Variants in EIF2S1 observed in about 807,000 individuals in gnomAD.
EIF2S1 encodes eukaryotic translation initiation factor 2 subunit 1.
EIF2S1 carries 5 observed loss-of-function variants against 33.5 expected under a neutral mutation model. The observed-to-expected ratio is 0.15, with a 90% CI of 0.08 to 0.31. The LOEUF (loss-of-function observed/expected upper bound fraction) is 0.31. EIF2S1 is among the 10% of genes least tolerant of loss of function. The probability of loss-of-function intolerance (pLI) is 1.00; values close to 1 mark genes in which losing one functional copy is unlikely to be tolerated. For missense variants in EIF2S1, 191 were observed against 384.6 expected (o/e 0.50, Z 4.21); for synonymous variants, 99 against 127.5 (o/e 0.78, Z 1.51).
rs1335720888 is a variant in EIF2S1 at position 67,360,435 on chromosome 14, G to A, written c.-23G>A. 1.3e-5 allele frequency: 5 copies of A among 388,904 alleles called. No homozygotes were observed. Among genetic ancestry groups the A allele is most frequent in the East Asian group, 7.3e-5 (2 of 27,460 alleles). 24.1% of individuals were successfully genotyped at this position (388,904 alleles called of 1,614,324 possible). ...AGAAGTCGGCTCTGGGCTCCAGTGC[G>A]GGAATCACACACATACCTCAGGTGA... On this transcript the variant is annotated 5_prime_UTR_variant, in exon 1 of 8. Coordinates refer to ENST00000256383, the MANE Select transcript of EIF2S1 (RefSeq NM_004094.5).
intron 3 of EIF2S1, chr14:67,374,784 A>G (rs1030989784): frequency 5.9e-6 from 2 of 337,474 alleles, no homozygotes; most frequent in African/African-American, 4.2e-5. Context: ...TGTTTGTTTA[A>G]ATAGAAATGA....
At position 67,374,555 on chromosome 14, in the gene EIF2S1, G is replaced by A. The variant is rs749940866; in HGVS notation, c.321+8G>A. The A allele has an allele frequency of 1.3e-6, 2 of 1,587,066 alleles. No individual in the cohort carries two copies. Among genetic ancestry groups the A allele is most frequent in the Non-Finnish European group, 1.7e-6 (2 of 1,160,216 alleles). ...TTCACAAAATCCAAAACTGTAAGTT[G>A]ATCTTTGAGTCAAATTAGTCCACTA... On this transcript the variant is annotated splice_region_variant and intron_variant, in intron 3 of 7. Coordinates refer to ENST00000256383, the MANE Select transcript of EIF2S1 (RefSeq NM_004094.5).
At chr14:67,382,145 T>G (rs1311625579) in intron 6 of EIF2S1, among the ~76,000 whole-genome samples, 2 of 152,048 alleles carry the variant, frequency 1.3e-5, no homozygotes, top group Admixed American at 1.3e-4. Context: ...ATACTGATGA[T>G]AATTGCAGTT....
chr14:67,375,557 G>T (rs1033685525), intron 3 of EIF2S1, among the ~76,000 whole-genome samples: 1 of 151,196 alleles, frequency 6.6e-6, no homozygotes, highest in East Asian at 1.9e-4. Context: ...TCAATGAAGA[G>T]ATTTTAAAAA....
intron 1 of EIF2S1, among the ~76,000 whole-genome samples, chr14:67,363,358 C>T (rs1300163328): frequency 6.6e-6 from 1 of 152,084 alleles, no homozygotes; most frequent in Non-Finnish European, 1.5e-5. Context: ...ATCTCTGCTA[C>T]TGTCATTAAT....
At chr14:67,372,501 C>T (rs985377544) in intron 2 of EIF2S1, among the ~76,000 whole-genome samples, 18 of 152,114 alleles carry the variant, frequency 1.2e-4, no homozygotes, top group African/African-American at 4.3e-4. Flanking sequence ...AAAAGACAAA[C>T]CAGCATATTT....
chr14:67,374,185 C>G (rs1340329728), intron 2 of EIF2S1, among the ~76,000 whole-genome samples: 1 of 152,164 alleles, frequency 6.6e-6, no homozygotes, highest in African/African-American at 2.4e-5. Flanking sequence ...AGGAAATGTT[C>G]ATTGGAGCAT....
At chr14:67,369,127 C>G (rs1359883939) in intron 2 of EIF2S1, among the ~76,000 whole-genome samples, 1 of 152,034 alleles carries the variant, frequency 6.6e-6, no homozygotes, top group Non-Finnish European at 1.5e-5. Context: ...AAGCAAGACT[C>G]GACGATAATC....
intron 2 of EIF2S1, among the ~76,000 whole-genome samples, chr14:67,366,426 G>A (rs17248714): frequency 0.16 from 23,583 of 152,070 alleles, 3,461 homozygotes; most frequent in East Asian, 0.42. Context: ...TATGTTTTTA[G>A]TTGCAATCAG....
intron 4 of EIF2S1, among the ~76,000 whole-genome samples, chr14:67,377,086 T>G (rs1282694555): frequency 6.6e-6 from 1 of 152,234 alleles, no homozygotes; most frequent in Non-Finnish European, 1.5e-5. Flanking sequence ...ATTCTGTATG[T>G]TAGGATCTGA....
rs1201275100 is a variant in EIF2S1, at chr14:67,383,461, A to C, written c.*21A>C. On this transcript the variant is annotated 3_prime_UTR_variant, in exon 8 of 8. Coordinates refer to ENST00000256383, the MANE Select transcript of EIF2S1 (RefSeq NM_004094.5). ...ATTAACTTTGTGGGAAACAGAGTCC[A>C]ATTTAAGGAACACAGAGCAGCGCTT... is the stretch of plus-strand genomic sequence containing the variant. 4 of 1,611,410 alleles carry C rather than the reference A, an allele frequency of 2.5e-6. No homozygotes were observed. Among genetic ancestry groups the C allele is most frequent in the Middle Eastern group, 1.7e-4 (1 of 6,036 alleles).
At chr14:67,371,427 A>T (rs2085820526) in intron 2 of EIF2S1, among the ~76,000 whole-genome samples, 2 of 152,158 alleles carry the variant, frequency 1.3e-5, no homozygotes, top group Admixed American at 1.3e-4. Context: ...CCCACCAAAA[A>T]AAAAAAAGTT....
Position 67,381,573 on chromosome 14 carries a change from T to C in EIF2S1, c.581-20T>C. On this transcript the variant is annotated intron_variant, in intron 5 of 7. Coordinates refer to ENST00000256383, the MANE Select transcript of EIF2S1 (RefSeq NM_004094.5). ...TATTTTTTGCATTTTTTATCAACTT[T>C]TGAATTTTTGTAATTGTAGATATTG... 1 of 1,596,684 alleles carries C rather than the reference T, an allele frequency of 6.3e-7. No homozygotes were observed.
At position 67,374,387 on chromosome 14, in the gene EIF2S1, C is replaced by G. The variant is rs532353510; in HGVS notation, c.242-81C>G. The G allele has an allele frequency of 6.7e-5, 48 of 713,086 alleles. 1 individual carries two copies. In the South Asian group the frequency reaches 1.6e-3, roughly 24 times the overall value. The allele number at this position is 713,086 out of a possible 1,614,324, so 44.2% of individuals were successfully genotyped here. Reference sequence around the variant, plus strand: ...TAATTATAAGTATGCCAATCAAACACTTAATTTGGTCTTCAAAGCTGGTTA... The same window carrying G: ...TAATTATAAGTATGCCAATCAAACAGTTAATTTGGTCTTCAAAGCTGGTTA... On this transcript the variant is annotated intron_variant, in intron 2 of 7. Transcript: ENST00000256383.
In EIF2S1 at chr14:67,385,478, T is replaced by A. The variant is rs2085916720; in HGVS notation, c.*2038T>A. 1 of 150,660 alleles carries A rather than the reference T, an allele frequency of 6.6e-6. No homozygotes were observed. Among genetic ancestry groups the A allele is most frequent in the African/African-American group, 2.4e-5 (1 of 41,096 alleles). 9.3% of individuals were successfully genotyped at this position (150,660 alleles called of 1,614,324 possible). On this transcript the variant is annotated 3_prime_UTR_variant, in exon 8 of 8. Coordinates refer to ENST00000256383, the MANE Select transcript of EIF2S1 (RefSeq NM_004094.5). ...AAAACCAAAAATCTTGAATCTCCCA[T>A]CAAAGCCTTTTCATTAAAAATACAA... is the stretch of plus-strand genomic sequence containing the variant.
chr14:67,369,224 TTAA>T (rs1366385715), intron 2 of EIF2S1, among the ~76,000 whole-genome samples: 1 of 152,218 alleles, frequency 6.6e-6, no homozygotes, highest in Non-Finnish European at 1.5e-5. Context: ...ACAGTGTCTA[TTAA>T]TATTAGATAA....
chr14:67,383,464 T>G lies in EIF2S1; in HGVS notation c.*24T>G, dbSNP rs773276647. On this transcript the variant is annotated 3_prime_UTR_variant, in exon 8 of 8. Transcript: ENST00000256383. ...AACTTTGTGGGAAACAGAGTCCAATTTAAGGAACACAGAGCAGCGCTTCCT... is the reference window on the plus strand; with the variant it reads ...AACTTTGTGGGAAACAGAGTCCAATGTAAGGAACACAGAGCAGCGCTTCCT... The G allele has an allele frequency of 1.2e-6, 2 of 1,611,100 alleles. No homozygotes were observed.
At chr14:67,379,364 T>G (rs183078500) in intron 4 of EIF2S1, among the ~76,000 whole-genome samples, 10 of 152,372 alleles carry the variant, frequency 6.6e-5, no homozygotes, top group Admixed American at 3.9e-4. Flanking sequence ...TATCTTTTGA[T>G]TTGCATACTC....
intron 3 of EIF2S1, among the ~76,000 whole-genome samples, chr14:67,374,871 T>C (rs1395868368): frequency 6.6e-6 from 1 of 152,196 alleles, no homozygotes; most frequent in African/African-American, 2.4e-5. Context: ...TCCAAAGTGC[T>C]GGGATTACAG....
Sources: allele counts gnomAD v4.1 joint callset (sites outside exome capture counted in the v4.1 genomes callset), GRCh38; gene constraint gnomAD v4.1.1; transcripts MANE v1.5; gene names NCBI Gene and HGNC (gene_info 2026-07-23, HGNC 2026-07-21).